Variants in TMTC2 observed in about 807,000 individuals in gnomAD.
TMTC2 encodes the protein protein O-mannosyl-transferase TMTC2.
In TMTC2, 43 loss-of-function variants were observed where a neutral mutation model predicts 82.4. The observed-to-expected ratio is 0.52, with a 90% CI of 0.41 to 0.67. The LOEUF (loss-of-function observed/expected upper bound fraction) is 0.67. Ranked by LOEUF, TMTC2 falls within the 30% of genes least tolerant of loss-of-function variation. TMTC2 has a pLI of 0.00. For missense variants in TMTC2, 919 were observed against 1,012.4 expected (o/e 0.91, Z 1.25); for synonymous variants, 408 against 381.9 (o/e 1.07, Z -0.80).
At chr12:82,730,550 G>T (rs575049797) in intron 1 of TMTC2, among the ~76,000 whole-genome samples, 111 of 152,330 alleles carry the variant, frequency 7.3e-4, no homozygotes, top group African/African-American at 2.6e-3. Flanking sequence ...AGTGCTTTGT[G>T]ACTACTGAGC....
intron 11 of TMTC2, among the ~76,000 whole-genome samples, chr12:83,129,526 G>C (rs191402604): frequency 6.6e-6 from 1 of 152,308 alleles, no homozygotes; most frequent in Admixed American, 6.5e-5. Context: ...GGACAAAGAA[G>C]CCTCAGGCTG....
At chr12:82,924,669 C>G (rs934554175) in intron 3 of TMTC2, among the ~76,000 whole-genome samples, 18 of 152,280 alleles carry the variant, frequency 1.2e-4, no homozygotes, top group African/African-American at 4.3e-4. Context: ...TGTTTTCTCA[C>G]TTTGAAATAG....
intron 11 of TMTC2, among the ~76,000 whole-genome samples, chr12:83,098,001 T>C (rs1370704866): frequency 6.6e-6 from 1 of 152,196 alleles, no homozygotes; most frequent in Non-Finnish European, 1.5e-5. Flanking sequence ...TTAGATAATA[T>C]GAGCATGAGA....
At chr12:83,131,032 A>G (rs1885242919) in intron 11 of TMTC2, among the ~76,000 whole-genome samples, 1 of 152,336 alleles carries the variant, frequency 6.6e-6, no homozygotes, top group Middle Eastern at 3.4e-3. Flanking sequence ...AGTCACATGA[A>G]TTCAGCTGAA....
At chr12:83,114,597 C>T (rs1385249633) in intron 11 of TMTC2, among the ~76,000 whole-genome samples, 2 of 152,126 alleles carry the variant, frequency 1.3e-5, no homozygotes, top group Non-Finnish European at 2.9e-5. Flanking sequence ...TTTAATAAAT[C>T]CTATTTAGGA....
At chr12:82,876,820 C>A (rs542464255) in intron 2 of TMTC2, among the ~76,000 whole-genome samples, 3 of 152,100 alleles carry the variant, frequency 2.0e-5, no homozygotes, top group Non-Finnish European at 2.9e-5. Context: ...AATAGCAGTG[C>A]GACCTGGGAA....
At chr12:82,780,486 A>G (rs1332262084) in intron 1 of TMTC2, among the ~76,000 whole-genome samples, 1 of 151,912 alleles carries the variant, frequency 6.6e-6, no homozygotes, top group Non-Finnish European at 1.5e-5. Flanking sequence ...TAAACACATG[A>G]TATAAAATGT....
At chr12:82,978,796 A>G (rs1421881227) in intron 7 of TMTC2, among the ~76,000 whole-genome samples, 2 of 151,808 alleles carry the variant, frequency 1.3e-5, no homozygotes, top group Non-Finnish European at 3.0e-5. Context: ...TGAAGCCTTC[A>G]GCTATTATTG....
At chr12:82,957,334 A>G (rs942906862) in intron 4 of TMTC2, among the ~76,000 whole-genome samples, 7 of 152,192 alleles carry the variant, frequency 4.6e-5, no homozygotes, top group Non-Finnish European at 1.0e-4. Context: ...TTTTAAGTAA[A>G]TGAAAACAAA....
At chr12:83,093,592 G>A (rs1883917428) in intron 11 of TMTC2, among the ~76,000 whole-genome samples, 1 of 152,152 alleles carries the variant, frequency 6.6e-6, no homozygotes, top group Admixed American at 6.5e-5. Context: ...GCAATACCTG[G>A]TATGGTAATC....
intron 1 of TMTC2, among the ~76,000 whole-genome samples, chr12:82,733,950 G>T (rs1045429355): frequency 2.0e-5 from 3 of 152,136 alleles, no homozygotes; most frequent in African/African-American, 7.2e-5. Flanking sequence ...GGCCCAGGTA[G>T]GTGCAGGTCA....
chr12:82,715,946 C>T (rs567902837), intron 1 of TMTC2, among the ~76,000 whole-genome samples: 112 of 152,146 alleles, frequency 7.4e-4, no homozygotes, highest in Non-Finnish European at 9.3e-4. Flanking sequence ...TTCTCCCCTC[C>T]GCTCGTATTA....
intron 1 of TMTC2, among the ~76,000 whole-genome samples, chr12:82,749,588 T>G (rs1875869385): frequency 6.6e-6 from 1 of 152,128 alleles, no homozygotes; most frequent in South Asian, 2.1e-4. Flanking sequence ...TTGGTCCAGG[T>G]GGGCTCCTAT....
chr12:82,951,530 A>G lies in TMTC2; in HGVS notation c.1599-13494A>G, dbSNP rs778387553. On this transcript the variant is annotated intron_variant, in intron 4 of 11. Transcript: ENST00000321196. ...GAGATAGGGTTTCACCAGATTGCCTAGGCTAGTCTCGAACTCCTGAGCTCA... is the reference window on the plus strand; with the variant it reads ...GAGATAGGGTTTCACCAGATTGCCTGGGCTAGTCTCGAACTCCTGAGCTCA... Among the ~76,000 whole-genome samples the G allele has an allele frequency of 7.4e-4, 112 of 152,116 alleles. 1 individual carries two copies. The highest frequency in any genetic ancestry group is 1.5e-3 in the Admixed American group (23 of 15,262).
rs551952910 is a variant in TMTC2, at chr12:82,838,474, A to C, written c.84-18536A>C. On this transcript the variant is annotated intron_variant, in intron 1 of 11. Coordinates refer to ENST00000321196, the MANE Select transcript of TMTC2 (RefSeq NM_152588.3). Reference sequence around the variant, plus strand: ...TGTGGAGCCCATTAAGCAGTGTTGGAGCTGGATTCACAGTTTAATGTGCTA... The same window carrying C: ...TGTGGAGCCCATTAAGCAGTGTTGGCGCTGGATTCACAGTTTAATGTGCTA... Among the ~76,000 whole-genome samples the C allele has an allele frequency of 3.3e-5, 5 of 152,328 alleles. No individual in the cohort carries two copies. In the East Asian group the frequency reaches 9.6e-4, roughly 29 times the overall value.
intron 11 of TMTC2, among the ~76,000 whole-genome samples, chr12:83,084,721 A>G (rs569514700): frequency 6.6e-6 from 1 of 152,304 alleles, no homozygotes; most frequent in African/African-American, 2.4e-5. Flanking sequence ...TAAGAGGAAA[A>G]CACCAGTGGA....
At chr12:82,841,841 T>C (rs1196207133) in intron 1 of TMTC2, among the ~76,000 whole-genome samples, 2 of 152,234 alleles carry the variant, frequency 1.3e-5, no homozygotes, top group Non-Finnish European at 2.9e-5. Context: ...CACCCGTCAC[T>C]GCAAGACAAG....
chr12:82,929,516 C>CT (rs377063938), intron 3 of TMTC2, among the ~76,000 whole-genome samples: 11 of 152,248 alleles, frequency 7.2e-5, no homozygotes, highest in African/African-American at 2.6e-4. Context: ...ATTCTGTGCT[C>CT]TTTTTTTGCA....
intron 4 of TMTC2, among the ~76,000 whole-genome samples, chr12:82,955,476 G>A (rs979114535): frequency 5.9e-5 from 9 of 152,028 alleles, no homozygotes; most frequent in African/African-American, 1.9e-4. Context: ...TATTATCTTA[G>A]ACAAAGACAG....
Sources: allele counts gnomAD v4.1 joint callset (sites outside exome capture counted in the v4.1 genomes callset), GRCh38; gene constraint gnomAD v4.1.1; transcripts MANE v1.5; gene names NCBI Gene and HGNC (gene_info 2026-07-23, HGNC 2026-07-21).